SPMIP3: variants seen among roughly 807,000 people sequenced by gnomAD.
SPMIP3 encodes the protein sperm microtubule inner protein 3.
the SPMIP3 span, among the ~76,000 whole-genome samples, chr1:244,370,031 A>AT: frequency 6.6e-6 from 1 of 152,128 alleles, no homozygotes; most frequent in Admixed American, 6.5e-5. Context: ...CTGCAGCATG[A>AT]TTTTACAGGC....
the SPMIP3 span, among the ~76,000 whole-genome samples, chr1:244,368,967 G>A: frequency 7.2e-5 from 11 of 152,144 alleles, no homozygotes; most frequent in African/African-American, 2.7e-4. Flanking sequence ...AGACCATCCT[G>A]GCCAACATGG....
chr1:244,364,677 T>A, the SPMIP3 span: 2 of 1,604,750 alleles, frequency 1.2e-6, no homozygotes, highest in East Asian at 4.5e-5. Flanking sequence ...TATGCCATAA[T>A]TTTTTTTCAG....
At chr1:244,357,844 G>A in the SPMIP3 span, among the ~76,000 whole-genome samples, 4 of 152,116 alleles carry the variant, frequency 2.6e-5, no homozygotes, top group African/African-American at 7.2e-5. Context: ...TTGGGAAGCC[G>A]AGGTGGGAGG....
the SPMIP3 span, among the ~76,000 whole-genome samples, chr1:244,380,118 TTTTTC>T: frequency 7.9e-6 from 1 of 126,508 alleles, no homozygotes; most frequent in Non-Finnish European, 1.7e-5. Context: ...ATTCACAGAG[TTTTTC>T]TTTTTTTTTT....
the SPMIP3 span, among the ~76,000 whole-genome samples, chr1:244,383,043 C>T: frequency 2.6e-5 from 4 of 151,838 alleles, no homozygotes; most frequent in South Asian, 2.1e-4. Context: ...TGGATTCCAG[C>T]GATATTTTGG....
the SPMIP3 span, among the ~76,000 whole-genome samples, chr1:244,385,026 C>A: frequency 1.3e-5 from 2 of 152,022 alleles, no homozygotes; most frequent in African/African-American, 2.4e-5. Flanking sequence ...CTCAGCCTCC[C>A]GAGTAGCTGG....
the SPMIP3 span, among the ~76,000 whole-genome samples, chr1:244,374,587 CTTTTTTTTTTT>C: frequency 1.5e-4 from 11 of 74,616 alleles, no homozygotes; most frequent in East Asian, 7.4e-4. Flanking sequence ...CCACATTTCT[CTTTTTTTTTTT>C]TTTTTTTTTT....
chr1:244,364,874 A>T, the SPMIP3 span: 21 of 1,104,208 alleles, frequency 1.9e-5, no homozygotes, highest in Non-Finnish European at 1.9e-5. Context: ...AGGGAGTTCT[A>T]GGGAAGCTCT....
the SPMIP3 span, among the ~76,000 whole-genome samples, chr1:244,373,332 T>TTATATATATATATATATATA: frequency 5.5e-4 from 47 of 85,196 alleles, 4 homozygotes; most frequent in East Asian, 1.4e-3. Context: ...CAAAAAAAAA[T>TTATATATATATATATATATA]TATATATATA....
chr1:244,389,501 G>A, the SPMIP3 span: 3 of 156,726 alleles, frequency 1.9e-5, no homozygotes, highest in Non-Finnish European at 4.2e-5. Flanking sequence ...TGAGGCTGTA[G>A]CGAGATGTGG....
the SPMIP3 span, chr1:244,378,707 T>A: frequency 1.3e-6 from 2 of 1,496,164 alleles, no homozygotes; most frequent in Non-Finnish European, 1.8e-6. Flanking sequence ...TAGCATCTCC[T>A]GTAGGCTTGC....
the SPMIP3 span, among the ~76,000 whole-genome samples, chr1:244,366,852 T>C: frequency 8.1e-3 from 1,231 of 152,018 alleles, 28 homozygotes; most frequent in South Asian, 0.079. Flanking sequence ...TGCACTCCAG[T>C]GTGGGCAACA....
chr1:244,356,295 G>A, the SPMIP3 span, among the ~76,000 whole-genome samples: 1 of 152,116 alleles, frequency 6.6e-6, no homozygotes, highest in Admixed American at 6.5e-5. Flanking sequence ...GATTGAGAAG[G>A]TTCCCCATAG....
the SPMIP3 span, among the ~76,000 whole-genome samples, chr1:244,377,267 A>G: frequency 1.3e-5 from 2 of 151,682 alleles, no homozygotes; most frequent in African/African-American, 4.8e-5. Context: ...GACTACAGGC[A>G]CCCGCCACCA....
the SPMIP3 span, among the ~76,000 whole-genome samples, chr1:244,386,677 A>T: frequency 1.3e-5 from 2 of 152,240 alleles, no homozygotes; most frequent in Non-Finnish European, 2.9e-5. Flanking sequence ...GTTGCTGACT[A>T]CAGACAGGAT....
the SPMIP3 span, among the ~76,000 whole-genome samples, chr1:244,359,004 A>G: frequency 6.6e-6 from 1 of 152,196 alleles, no homozygotes; most frequent in Non-Finnish European, 1.5e-5. Context: ...TAAGTTTACC[A>G]TATGTTCATA....
At chr1:244,372,691 C>T in the SPMIP3 span, among the ~76,000 whole-genome samples, 1 of 152,174 alleles carries the variant, frequency 6.6e-6, no homozygotes, top group East Asian at 1.9e-4. Context: ...GATCCGCCCG[C>T]CTTGGCCTCC....
the SPMIP3 span, among the ~76,000 whole-genome samples, chr1:244,361,841 G>T: frequency 6.6e-6 from 1 of 152,204 alleles, no homozygotes; most frequent in South Asian, 2.1e-4. Flanking sequence ...GGCTGTCTTT[G>T]TTAGGAGCTC....
At chr1:244,357,862 G>A in the SPMIP3 span, among the ~76,000 whole-genome samples, 1 of 152,238 alleles carries the variant, frequency 6.6e-6, no homozygotes, top group Non-Finnish European at 1.5e-5. Context: ...AGGATTGCTT[G>A]GGCCTAGGAG....
Sources: allele counts gnomAD v4.1 joint callset (sites outside exome capture counted in the v4.1 genomes callset), GRCh38; gene constraint gnomAD v4.1.1; transcripts MANE v1.5; gene names NCBI Gene and HGNC (gene_info 2026-07-23, HGNC 2026-07-21).